ZFP64: variants seen among roughly 807,000 people sequenced by gnomAD.
ZFP64 encodes ZFP64 zinc finger protein, also known as zinc finger protein 64.
Under a neutral mutation model 51.6 loss-of-function variants are expected in ZFP64, and 14 were observed. The ratio of observed to expected loss-of-function variants is 0.27; its 90% CI spans 0.18 to 0.42. The LOEUF is 0.42. Ranked by LOEUF, ZFP64 falls within the 10% of genes least tolerant of loss-of-function variation. The pLI is 1.00. For missense variants in ZFP64, 754 were observed against 906.8 expected (o/e 0.83, Z 2.16); for synonymous variants, 375 against 361.4 (o/e 1.04, Z -0.43).
At chr20:52,106,886 T>C (rs1367645536) in intron 5 of ZFP64, among the ~76,000 whole-genome samples, 2 of 152,050 alleles carry the variant, frequency 1.3e-5, no homozygotes, top group Non-Finnish European at 2.9e-5. Context: ...CACATGAGGT[T>C]AGGAGTTCTA....
At chr20:52,110,424 C>T (rs1600716528) in intron 5 of ZFP64, 6 of 597,174 alleles carry the variant, frequency 1.0e-5, no homozygotes, top group South Asian at 2.7e-5. Context: ...TCCTTCTTCC[C>T]GTCACTCAAC....
intron 5 of ZFP64, among the ~76,000 whole-genome samples, chr20:52,100,252 G>GTATT (rs111768973): frequency 0.012 from 1,727 of 150,070 alleles, 28 homozygotes; most frequent in African/African-American, 0.04. Flanking sequence ...GCCTCCCAAA[G>GTATT]TTTTTTTTTT....
At chr20:52,097,023 C>T in intron 7 of ZFP64, 2 of 622,510 alleles carry the variant, frequency 3.2e-6, no homozygotes, top group Non-Finnish European at 6.3e-6. Context: ...GGCTGAGTTG[C>T]CCATGGGCTG....
At position 52,152,301 on chromosome 20, in the gene ZFP64, C is replaced by G. The variant is rs149755369; in HGVS notation, c.1891G>C (p.Val631Leu). 18 of 1,614,210 alleles carry G rather than the reference C, an allele frequency of 1.1e-5. No homozygotes were observed. The highest frequency in any genetic ancestry group is 1.5e-5 in the Non-Finnish European group (18 of 1,180,038). Reference sequence around the variant, plus strand: ...GCGATGTTCTGGCCTCCATCGCTCACCACTGTCACTTCTGCTGTCCCCTCC... The same window carrying G: ...GCGATGTTCTGGCCTCCATCGCTCAGCACTGTCACTTCTGCTGTCCCCTCC... Reference protein sequence around the residue: ...IQEGTAEVTVVSDGGQNIAVA... With the variant: ...IQEGTAEVTVLSDGGQNIAVA... The change falls in exon 6 of 6, where the codon GTG becomes CTG. Residue 631 changes from valine to leucine, a missense_variant. Physicochemically the swap from Val to Leu is conservative, Grantham distance 32. Around this residue, in one of 3 missense-constraint regions of ZFP64, gnomAD observed 428 missense variants for 472.4 expected, o/e 0.91. Transcript: ENST00000216923.
chr20:52,183,031 G>T (rs916559697), intron 2 of ZFP64, among the ~76,000 whole-genome samples: 1 of 152,158 alleles, frequency 6.6e-6, no homozygotes, highest in Non-Finnish European at 1.5e-5. Flanking sequence ...TCTGACATAA[G>T]AATTAAGGCA....
intron 5 of ZFP64, among the ~76,000 whole-genome samples, chr20:52,117,161 G>C (rs191138720): frequency 1.3e-5 from 2 of 152,322 alleles, no homozygotes; most frequent in East Asian, 3.9e-4. Context: ...ACATGTGAAA[G>C]TTTCTGTATG....
At chr20:52,089,102 G>A (rs775164143) in intron 7 of ZFP64, 1 of 506,898 alleles carries the variant, frequency 2.0e-6, no homozygotes, top group Non-Finnish European at 3.9e-6. Flanking sequence ...GGCCTGGTAA[G>A]TTAGAGATGC....
intron 2 of ZFP64, among the ~76,000 whole-genome samples, chr20:52,166,479 G>C (rs1223029801): frequency 6.6e-6 from 1 of 151,244 alleles, no homozygotes; most frequent in East Asian, 1.9e-4. Flanking sequence ...TTCTGAGATA[G>C]GGTTTCATTT....
At chr20:52,122,686 A>C (rs1979253171) in intron 5 of ZFP64, among the ~76,000 whole-genome samples, 1 of 152,104 alleles carries the variant, frequency 6.6e-6, no homozygotes, top group South Asian at 2.1e-4. Context: ...GGAGTTTGTA[A>C]GAAGTTGATT....
chr20:52,150,134 G>A (rs2122942734), downstream of ZFP64, among the ~76,000 whole-genome samples: 1 of 151,798 alleles, frequency 6.6e-6, no homozygotes, highest in South Asian at 2.1e-4. Context: ...GAACCCGGGA[G>A]GCGGAGCTTG....
chr20:52,121,408 C>G (rs756861778), intron 5 of ZFP64, among the ~76,000 whole-genome samples: 3 of 152,114 alleles, frequency 2.0e-5, no homozygotes, highest in Admixed American at 2.0e-4. Flanking sequence ...GTGAACCAGC[C>G]GGATTTTTGA....
At chr20:52,084,970 C>T in exon 9 of ZFP64, 1 of 1,613,884 alleles carries the variant, frequency 6.2e-7, no homozygotes. Flanking sequence ...ACGCGCAGGG[C>T]GGCCGCGCTG....
intron 5 of ZFP64, among the ~76,000 whole-genome samples, chr20:52,120,435 G>A (rs1037332002): frequency 6.6e-5 from 10 of 152,078 alleles, no homozygotes; most frequent in African/African-American, 7.2e-5. Context: ...AGAGGGCATC[G>A]ATAGATGGCT....
intron 4 of ZFP64, among the ~76,000 whole-genome samples, chr20:52,162,431 C>T (rs950820250): frequency 6.6e-6 from 1 of 151,880 alleles, no homozygotes; most frequent in Admixed American, 6.6e-5. Context: ...TCAAGACCAT[C>T]GTGGCTAACA....
intron 5 of ZFP64, among the ~76,000 whole-genome samples, chr20:52,106,059 T>G (rs1978312842): frequency 6.6e-6 from 1 of 152,180 alleles, no homozygotes; most frequent in Admixed American, 6.5e-5. Context: ...CAGAAATGTG[T>G]GTTTTTATAT....
At position 52,180,966 on chromosome 20, in the gene ZFP64, G is replaced by A. The variant is rs112849865; in HGVS notation, c.286+5866C>T. On this transcript the variant is annotated intron_variant, in intron 2 of 5. Transcript: ENST00000216923. ...TTTTGAGATGGACTCTCGCTCTGTC[G>A]CCCAGGCTGGAATGCAATGGCACGA... Among the ~76,000 whole-genome samples, 31 of 151,788 alleles carry A rather than the reference G, an allele frequency of 2.0e-4. 1 individual carries two copies. The highest frequency in any genetic ancestry group is 7.0e-4 in the African/African-American group (29 of 41,364).
At chr20:52,116,311 T>A (rs968344122) in intron 5 of ZFP64, among the ~76,000 whole-genome samples, 2 of 151,776 alleles carry the variant, frequency 1.3e-5, no homozygotes, top group Admixed American at 1.3e-4. Context: ...TATTTTTGTA[T>A]TTTTAGTAGA....
intron 2 of ZFP64, among the ~76,000 whole-genome samples, chr20:52,174,849 T>C (rs143144400): frequency 1.1e-4 from 16 of 152,316 alleles, no homozygotes; most frequent in Middle Eastern, 3.4e-3. Flanking sequence ...TATAACATCC[T>C]TTCAGAAAAC....
At chr20:52,161,446 C>CTTTTTTTTTT (rs1236301796) in intron 4 of ZFP64, among the ~76,000 whole-genome samples, 1 of 127,724 alleles carries the variant, frequency 7.8e-6, no homozygotes, top group Non-Finnish European at 1.6e-5. Flanking sequence ...CTTGTGATTG[C>CTTTTTTTTTT]TTTCTTTTTT....
Sources: gnomAD v4.1 joint callset for allele counts (sites outside exome capture counted in the v4.1 genomes callset) on GRCh38, gnomAD v4.1.1 for gene constraint, gnomAD v4.1.1 regional missense constraint, MANE v1.5 for transcripts, NCBI Gene and HGNC (gene_info 2026-07-23, HGNC 2026-07-21) for gene names.